Variants in DIAPH1 observed in about 807,000 individuals in gnomAD.
DIAPH1 encodes the protein diaphanous related formin 1.
Under a neutral mutation model 140.7 loss-of-function variants are expected in DIAPH1, and 46 were observed. That is an observed-to-expected ratio of 0.33 (90% CI 0.26 to 0.42). The LOEUF is 0.42. Ranked by LOEUF, DIAPH1 falls within the 10% of genes least tolerant of loss-of-function variation. DIAPH1 has a pLI of 1.00. For synonymous variants in DIAPH1, 565 were observed against 551.6 expected (o/e 1.02, Z -0.34); for missense variants, 1,310 against 1,558.7 (o/e 0.84, Z 2.69).
intron 18 of DIAPH1, among the ~76,000 whole-genome samples, chr5:141,556,539 T>C (rs938509125): frequency 6.6e-6 from 1 of 152,164 alleles, no homozygotes; most frequent in Non-Finnish European, 1.5e-5. Flanking sequence ...AGTCCAGCCC[T>C]TTCTCCCTCT....
intron 18 of DIAPH1, among the ~76,000 whole-genome samples, chr5:141,549,688 C>T (rs1001085549): frequency 1.3e-5 from 2 of 151,890 alleles, no homozygotes; most frequent in African/African-American, 2.4e-5. Context: ...ACTAAGCTAT[C>T]AGTAAAAAGA....
Position 141,555,291 on chromosome 5 carries a change from G to C in DIAPH1, c.2482+16137C>G, listed in dbSNP as rs73280391. On this transcript the variant is annotated intron_variant, in intron 18 of 27. Transcript: ENST00000389054. ...TCACCAAACAGGAAACTGTGAGAAA[G>C]GTAAGACAGATATGGCTCTGGGCAC... Among the ~76,000 whole-genome samples, 783 of 152,298 alleles carry C rather than the reference G, an allele frequency of 5.1e-3. 4 individuals carry two copies. Among genetic ancestry groups the C allele is most frequent in the African/African-American group, 0.017 (704 of 41,564 alleles).
At chr5:141,584,688 T>G (rs947267155) in intron 3 of DIAPH1, among the ~76,000 whole-genome samples, 16 of 152,106 alleles carry the variant, frequency 1.1e-4, no homozygotes, top group African/African-American at 3.9e-4. Context: ...TACAAACTCC[T>G]TTCCCACGAA....
intron 6 of DIAPH1, 34 bp downstream of exon 6, chr5:141,583,172 C>T (rs1361050016): frequency 1.1e-5 from 18 of 1,584,054 alleles, no homozygotes; most frequent in Non-Finnish European, 1.5e-5. Context: ...TGTGACTCTC[C>T]AACTTGAAGT....
At chr5:141,589,699 A>G (rs1313771657) in intron 1 of DIAPH1, among the ~76,000 whole-genome samples, 1 of 152,084 alleles carries the variant, frequency 6.6e-6, no homozygotes, top group Non-Finnish European at 1.5e-5. Flanking sequence ...TGGGGTGTTT[A>G]TGATATTCTG....
chr5:141,549,600 A>G (rs940450613), intron 18 of DIAPH1, among the ~76,000 whole-genome samples: 1 of 152,210 alleles, frequency 6.6e-6, no homozygotes, highest in Non-Finnish European at 1.5e-5. Context: ...ATATGTATAC[A>G]GCATATTTGC....
intron 18 of DIAPH1, among the ~76,000 whole-genome samples, chr5:141,538,282 A>C (rs1314135698): frequency 6.6e-6 from 1 of 151,728 alleles, no homozygotes; most frequent in Non-Finnish European, 1.5e-5. Context: ...GGATGGTATC[A>C]ATCTCCTGAC....
chr5:141,590,391 A>G (rs1443703803), intron 1 of DIAPH1, among the ~76,000 whole-genome samples: 1 of 152,224 alleles, frequency 6.6e-6, no homozygotes, highest in Non-Finnish European at 1.5e-5. Context: ...TAGTTACTTC[A>G]TGTGTTCTGA....
intron 17 of DIAPH1, 126 bp from the exon 18 acceptor site, chr5:141,571,562 C>G: frequency 1.3e-6 from 1 of 796,972 alleles, no homozygotes; most frequent in Non-Finnish European, 2.1e-6. Context: ...CTGTTAAAGA[C>G]TCTTTCCAAC....
At chr5:141,567,939 C>A (rs988826993) in intron 18 of DIAPH1, among the ~76,000 whole-genome samples, 3 of 152,148 alleles carry the variant, frequency 2.0e-5, no homozygotes, top group African/African-American at 7.2e-5. Flanking sequence ...TAGTGAAGGT[C>A]TTTTTAGCCA....
chr5:141,578,253 G>T lies in DIAPH1; in HGVS notation c.1135C>A (p.Arg379=), dbSNP rs762360741. Residue 379 remains arginine (R), a synonymous_variant, in exon 11 of 28, where the codon CGG becomes AGG. Coordinates refer to ENST00000389054, the MANE Select transcript of DIAPH1 (RefSeq NM_005219.5). ...ATCTCCATGCGAATGTCATCCAGCC[G>T]TCCCTTCAGGTCATAGGAATCCTCT... ...GEEDSYDLKG[R]LDDIRMEMDD... 1 of 1,613,812 alleles carries T rather than the reference G, an allele frequency of 6.2e-7. No individual in the cohort carries two copies. Among genetic ancestry groups the T allele is most frequent in the African/African-American group, 1.3e-5 (1 of 75,002 alleles).
chr5:141,519,409 T>C (rs1032981547), intron 27 of DIAPH1, among the ~76,000 whole-genome samples: 1 of 152,158 alleles, frequency 6.6e-6, no homozygotes, highest in Non-Finnish European at 1.5e-5. Context: ...ACTCTAGTGG[T>C]ATATATATGT....
At chr5:141,522,949 G>A (rs2099886787) in intron 27 of DIAPH1, among the ~76,000 whole-genome samples, 1 of 152,176 alleles carries the variant, frequency 6.6e-6, no homozygotes, top group African/African-American at 2.4e-5. Flanking sequence ...GTTATTCAGA[G>A]TATAGGTAGA....
intron 18 of DIAPH1, among the ~76,000 whole-genome samples, chr5:141,553,571 A>G (rs1268067140): frequency 7.2e-5 from 11 of 151,916 alleles, no homozygotes; most frequent in African/African-American, 2.7e-4. Flanking sequence ...TGTACCCAGG[A>G]GGCAGAGGTT....
chr5:141,588,072 C>G (rs1405026143), intron 2 of DIAPH1, 152 bp downstream of exon 2: 1 of 721,942 alleles, frequency 1.4e-6, no homozygotes, highest in Non-Finnish European at 2.5e-6. Flanking sequence ...ATGGGCCAAA[C>G]ACAGCAAAGA....
At chr5:141,590,786 T>C (rs2154596810) in intron 1 of DIAPH1, among the ~76,000 whole-genome samples, 1 of 152,012 alleles carries the variant, frequency 6.6e-6, no homozygotes. Context: ...CTGTTCTTTC[T>C]GCCTACAGAC....
intron 18 of DIAPH1, among the ~76,000 whole-genome samples, chr5:141,566,911 A>AAAACAAAACAAAACG (rs1277510723): frequency 6.6e-6 from 1 of 151,858 alleles, no homozygotes; most frequent in Admixed American, 6.6e-5. Context: ...AAAACAAAAC[A>AAAACAAAACAAAACG]AAACAAAACA....
intron 27 of DIAPH1, chr5:141,519,067 G>A (rs2099886133): frequency 2.2e-6 from 3 of 1,380,636 alleles, no homozygotes; most frequent in Non-Finnish European, 2.0e-6. Context: ...ACAGATCATA[G>A]GTATGTGCCC....
At chr5:141,566,955 T>C (rs1455669817) in intron 18 of DIAPH1, among the ~76,000 whole-genome samples, 1 of 150,700 alleles carries the variant, frequency 6.6e-6, no homozygotes, top group Non-Finnish European at 1.5e-5. Flanking sequence ...AAAGGGAAAG[T>C]GGTATTGAGA....
Sources: gnomAD v4.1 joint callset for allele counts (sites outside exome capture counted in the v4.1 genomes callset) on GRCh38, gnomAD v4.1.1 for gene constraint, MANE v1.5 for transcripts, NCBI Gene and HGNC (gene_info 2026-07-23, HGNC 2026-07-21) for gene names.